Variants in KCNK1 observed in about 807,000 individuals in gnomAD.
KCNK1 encodes the protein potassium two pore domain channel subfamily K member 1, also known as potassium channel subfamily K member 1.
A neutral mutation model predicts 22.2 loss-of-function variants in KCNK1; 10 were observed. That is an observed-to-expected ratio of 0.45 (90% CI 0.28 to 0.76). The LOEUF (loss-of-function observed/expected upper bound fraction) is 0.76, where lower values mean the gene tolerates loss of function less well. Ranked by LOEUF, KCNK1 falls within the 30% of genes least tolerant of loss-of-function variation. KCNK1 has a pLI of 0.14. For synonymous variants in KCNK1, 200 were observed against 186.4 expected (o/e 1.07, Z -0.60); for missense variants, 378 against 421.0 (o/e 0.90, Z 0.89).
rs145024736 is a variant in KCNK1 at position 233,666,861 on chromosome 1, G to A, written c.622G>A (p.Asp208Asn). Residue 208 changes from aspartate (D) to asparagine (N), a missense_variant, in exon 2 of 3, where the codon GAT becomes AAT. Coordinates refer to ENST00000366621, the MANE Select transcript of KCNK1 (RefSeq NM_002245.4). ...IPAAVFSVLEDDWNFLESFYF... is the reference protein window; with the variant it reads ...IPAAVFSVLENDWNFLESFYF... ...GGCCGCTGTCTTCTCAGTCCTGGAG[G>A]ATGACTGGAACTTCCTGGAATCCTT... 36 of 1,614,150 alleles carry A rather than the reference G, an allele frequency of 2.2e-5. No homozygotes were observed. The South Asian group carries it at 2.7e-4, about 12-fold the overall frequency.
At position 233,666,709 on chromosome 1, in the gene KCNK1, C is replaced by T; in HGVS notation, c.470C>T (p.Thr157Ile). The T allele has an allele frequency of 6.2e-7, 1 of 1,614,142 alleles. No homozygotes were observed. Among genetic ancestry groups the T allele is most frequent in the Non-Finnish European group, 8.5e-7 (1 of 1,180,032 alleles). Residue 157 changes from threonine (T) to isoleucine (I), a missense_variant, in exon 2 of 3, where the codon ACC becomes ATC. Thr to Ile is a moderately conservative substitution (Grantham distance 89). Coordinates refer to ENST00000366621, the MANE Select transcript of KCNK1 (RefSeq NM_002245.4). The part of the protein sequence containing the change: ...LFLTAVVQRI[T>I]VHVTRRPVLY... ...CTGACGGCTGTGGTCCAGCGCATCA[C>T]CGTGCACGTCACCCGCAGGCCGGTC...
At chr1:233,615,880 TAAAC>T (rs1657481547) in intron 1 of KCNK1, among the ~76,000 whole-genome samples, 1 of 152,222 alleles carries the variant, frequency 6.6e-6, no homozygotes, top group African/African-American at 2.4e-5. Flanking sequence ...GGTGAATTAC[TAAAC>T]TGATGTAAAT....
Position 233,634,094 on chromosome 1 carries a change from T to TC in KCNK1, c.355+19569dup, listed in dbSNP as rs566548310. Among the ~76,000 whole-genome samples the TC allele has an allele frequency of 5.3e-5, 8 of 152,028 alleles. No individual in the cohort carries two copies. In the South Asian group the frequency reaches 1.7e-3, roughly 32 times the overall value. On this transcript the variant is annotated intron_variant, in intron 1 of 2. Coordinates refer to ENST00000366621, the MANE Select transcript of KCNK1 (RefSeq NM_002245.4). ...AGGCCGAGGCGGGCGAATCACAAGG[T>TC]CAGGAGTTTGAGACCAGCCTGGCCA...
chr1:233,640,659 T>C (rs930901972), intron 1 of KCNK1, among the ~76,000 whole-genome samples: 1 of 152,306 alleles, frequency 6.6e-6, no homozygotes, highest in Non-Finnish European at 1.5e-5. Flanking sequence ...TGGGATAACG[T>C]AGAGAATGAA....
intron 1 of KCNK1, chr1:233,630,627 A>G (rs137987742): frequency 6.6e-6 from 1 of 152,360 alleles, no homozygotes; most frequent in Non-Finnish European, 1.5e-5. Context: ...CTCATCAGAT[A>G]GGAATTTTTT....
chr1:233,627,674 G>A (rs1048370432), intron 1 of KCNK1, among the ~76,000 whole-genome samples: 18 of 152,192 alleles, frequency 1.2e-4, no homozygotes, highest in Non-Finnish European at 2.6e-4. Context: ...GCAGGGAAGA[G>A]CACTGTTGTG....
rs1463182521 is a variant in KCNK1, at chr1:233,642,981, C to T, written c.356-23614C>T. ...ATTTTTAGTAGAGATGGGGTTTCAC[C>T]GTGGTGGCCAGGCTGGTCTCGAACT... On this transcript the variant is annotated intron_variant, in intron 1 of 2. Transcript: ENST00000366621. Among the ~76,000 whole-genome samples, 11 of 150,746 alleles carry T rather than the reference C, an allele frequency of 7.3e-5. No homozygotes were observed. In the East Asian group the frequency reaches 1.8e-3, roughly 24 times the overall value.
chr1:233,654,907 T>G (rs150795052), intron 1 of KCNK1, among the ~76,000 whole-genome samples: 1 of 152,174 alleles, frequency 6.6e-6, no homozygotes, highest in East Asian at 1.9e-4. Flanking sequence ...ACAGCTCCAA[T>G]GTGCAAAAGC....
intron 2 of KCNK1, among the ~76,000 whole-genome samples, chr1:233,668,864 C>A: frequency 6.6e-6 from 1 of 152,176 alleles, no homozygotes; most frequent in Non-Finnish European, 1.5e-5. Context: ...CTCAGCCTAC[C>A]AAAGTGCTGG....
At chr1:233,630,174 A>G (rs1657766575) in intron 1 of KCNK1, among the ~76,000 whole-genome samples, 1 of 152,128 alleles carries the variant, frequency 6.6e-6, no homozygotes. Flanking sequence ...TGCTGCTTGT[A>G]ATTACTGTGT....
At chr1:233,664,895 A>AT (rs1203311200) in intron 1 of KCNK1, among the ~76,000 whole-genome samples, 1 of 147,124 alleles carries the variant, frequency 6.8e-6, no homozygotes, top group Non-Finnish European at 1.5e-5. Flanking sequence ...ATCCAATTTC[A>AT]TTTAAAAAAA....
intron 1 of KCNK1, among the ~76,000 whole-genome samples, chr1:233,663,710 T>C (rs941091586): frequency 6.6e-6 from 1 of 152,192 alleles, no homozygotes; most frequent in Non-Finnish European, 1.5e-5. Flanking sequence ...GTGCCAAAGC[T>C]AAATTCATCT....
At chr1:233,664,978 A>C (rs1183041745) in intron 1 of KCNK1, among the ~76,000 whole-genome samples, 1 of 152,222 alleles carries the variant, frequency 6.6e-6, no homozygotes, top group East Asian at 1.9e-4. Context: ...AGTGCTCATG[A>C]GATTTTAAAA....
At chr1:233,659,886 G>T (rs1658362750) in intron 1 of KCNK1, among the ~76,000 whole-genome samples, 1 of 152,212 alleles carries the variant, frequency 6.6e-6, no homozygotes, top group African/African-American at 2.4e-5. Flanking sequence ...GGCCAAGGAT[G>T]ATAAGAGAAC....
intron 1 of KCNK1, among the ~76,000 whole-genome samples, chr1:233,622,184 A>G (rs1478695998): frequency 6.6e-6 from 1 of 152,194 alleles, no homozygotes; most frequent in Non-Finnish European, 1.5e-5. Flanking sequence ...GAGCATGTGA[A>G]TTGCCGACAC....
chr1:233,623,288 C>T (rs1200720989), intron 1 of KCNK1, among the ~76,000 whole-genome samples: 5 of 143,404 alleles, frequency 3.5e-5, no homozygotes, highest in East Asian at 2.0e-4. Flanking sequence ...GGGAAGGGTA[C>T]GGGGAGGGGG....
Position 233,614,322 on chromosome 1 carries a change from C to G in KCNK1, c.151C>G (p.Leu51Val), listed in dbSNP as rs1229725500. The change falls in exon 1 of 3, where the codon CTG becomes GTG. Residue 51 changes from leucine (L) to valine (V), a missense_variant. Coordinates refer to ENST00000366621, the MANE Select transcript of KCNK1 (RefSeq NM_002245.4). Reference sequence around the variant, plus strand: ...CTCGGTGGAGCTGCCCTATGAGGACCTGCTGCGCCAGGAGCTGCGCAAGCT... The same window carrying G: ...CTCGGTGGAGCTGCCCTATGAGGACGTGCTGCGCCAGGAGCTGCGCAAGCT... Reference protein sequence around the residue: ...FSSVELPYEDLLRQELRKLKR... With the variant: ...FSSVELPYEDVLRQELRKLKR... The G allele has an allele frequency of 5.6e-6, 9 of 1,612,130 alleles. No individual in the cohort carries two copies. Among genetic ancestry groups the G allele is most frequent in the Non-Finnish European group, 6.8e-6 (8 of 1,179,340 alleles).
chr1:233,664,527 C>G lies in KCNK1; in HGVS notation c.356-2068C>G, dbSNP rs1658456036. On this transcript the variant is annotated intron_variant, in intron 1 of 2. Transcript: ENST00000366621. ...GCCAACACTCAGAACAAGAGTAGTT[C>G]TTAACCATTTGAGGACGCGTACCCC... Among the ~76,000 whole-genome samples the G allele has an allele frequency of 2.0e-5, 3 of 152,276 alleles. No individual in the cohort carries two copies. In the South Asian group the frequency reaches 6.2e-4, roughly 32 times the overall value.
At chr1:233,658,388 A>G (rs923164856) in intron 1 of KCNK1, among the ~76,000 whole-genome samples, 3 of 152,238 alleles carry the variant, frequency 2.0e-5, no homozygotes, top group Non-Finnish European at 4.4e-5. Flanking sequence ...TGCTTACTTT[A>G]AAATTAGAAA....
Sources: allele counts gnomAD v4.1 joint callset (sites outside exome capture counted in the v4.1 genomes callset), GRCh38; gene constraint gnomAD v4.1.1; transcripts MANE v1.5; gene names NCBI Gene and HGNC (gene_info 2026-07-23, HGNC 2026-07-21).